The following BICRAL variants were observed in gnomAD, a reference collection of about 807,000 sequenced individuals.
The protein encoded by BICRAL is BICRA like chromatin remodeling complex associated protein.
A neutral mutation model predicts 91.8 loss-of-function variants in BICRAL; 8 were observed. That is an observed-to-expected ratio of 0.09 (90% confidence interval 0.05 to 0.16). The LOEUF is 0.16. BICRAL is among the 10% of genes least tolerant of loss of function. BICRAL has a pLI of 1.00. For synonymous variants in BICRAL, 445 were observed against 491.1 expected (o/e 0.91, Z 1.24); for missense variants, 1,038 against 1,310.9 (o/e 0.79, Z 3.21).
At chr6:42,793,284 C>T (rs552119638) in intron 1 of BICRAL, among the ~76,000 whole-genome samples, 4 of 126,466 alleles carry the variant, frequency 3.2e-5, no homozygotes, top group South Asian at 5.8e-4. Flanking sequence ...GCTGGGATTA[C>T]AGACCCAGCT....
At chr6:42,793,098 A>C (rs989554508) in intron 1 of BICRAL, among the ~76,000 whole-genome samples, 2 of 137,764 alleles carry the variant, frequency 1.5e-5, no homozygotes, top group African/African-American at 5.4e-5. Context: ...AGGATTTACA[A>C]GCGCATGCCA....
At chr6:42,782,904 TTC>T (rs1250156419) in intron 1 of BICRAL, among the ~76,000 whole-genome samples, 1 of 151,754 alleles carries the variant, frequency 6.6e-6, no homozygotes, top group Non-Finnish European at 1.5e-5. Flanking sequence ...CTCGTTTCTT[TTC>T]TCTCTCGGAA....
chr6:42,748,860 C>T (rs894608249), intron 1 of BICRAL, among the ~76,000 whole-genome samples: 2 of 152,182 alleles, frequency 1.3e-5, no homozygotes, highest in African/African-American at 4.8e-5. Context: ...TGCATCCTCT[C>T]TCTGCCATTT....
intron 6 of BICRAL, among the ~76,000 whole-genome samples, chr6:42,851,796 T>C (rs1434718420): frequency 6.6e-6 from 1 of 152,066 alleles, no homozygotes. Flanking sequence ...CAGCTGCAGC[T>C]TTTTCATCTG....
intron 1 of BICRAL, among the ~76,000 whole-genome samples, chr6:42,797,287 T>A (rs1763442733): frequency 1.3e-5 from 2 of 152,114 alleles, no homozygotes; most frequent in Non-Finnish European, 2.9e-5. Flanking sequence ...TAAGGAGACT[T>A]CTTTGGATGA....
chr6:42,811,036 C>T (rs2113917064), intron 2 of BICRAL, among the ~76,000 whole-genome samples: 1 of 152,306 alleles, frequency 6.6e-6, no homozygotes. Context: ...AGATTTGGTT[C>T]AAGACCTTAT....
chr6:42,844,685 A>G (rs1158832199), intron 6 of BICRAL, among the ~76,000 whole-genome samples: 1 of 152,178 alleles, frequency 6.6e-6, no homozygotes, highest in Non-Finnish European at 1.5e-5. Flanking sequence ...TGCAGAAGCC[A>G]GATGGCAACA....
intron 6 of BICRAL, among the ~76,000 whole-genome samples, chr6:42,831,842 G>T (rs1241325740): frequency 1.3e-5 from 2 of 151,352 alleles, no homozygotes; most frequent in Admixed American, 1.3e-4. Context: ...AGCCTCAAGT[G>T]ATCCTTCCAC....
At chr6:42,782,688 A>G (rs1202848740) in intron 1 of BICRAL, among the ~76,000 whole-genome samples, 1 of 147,744 alleles carries the variant, frequency 6.8e-6, no homozygotes, top group Non-Finnish European at 1.5e-5. Context: ...TCATTGATTG[A>G]GCCGGTTTAA....
chr6:42,782,407 A>G lies in BICRAL; in HGVS notation c.-102+306A>G, dbSNP rs1416537877. Among the ~76,000 whole-genome samples, 17 of 132,022 alleles carry G rather than the reference A, an allele frequency of 1.3e-4. 1 individual carries two copies. Among genetic ancestry groups the G allele is most frequent in the Admixed American group, 1.2e-3 (16 of 13,128 alleles). The allele number at this position is 132,022 out of a possible 152,430, so 86.6% of individuals were successfully genotyped here. A position where few individuals can be genotyped will look rare whatever the true frequency, so the allele number is the denominator to read the frequency against. On this transcript the variant is annotated intron_variant, in intron 1 of 12. Transcript: ENST00000314073. ...GGGTGGATGTTTAATGGACACGGAG[A>G]AAAGGGGAATCGAGTGTTTATGCCT...
intron 2 of BICRAL, among the ~76,000 whole-genome samples, chr6:42,817,247 T>C (rs946117729): frequency 6.6e-6 from 1 of 151,926 alleles, no homozygotes; most frequent in African/African-American, 2.4e-5. Context: ...TGCACCTTTC[T>C]TTTTTAATTG....
chr6:42,816,404 G>A (rs1374638696), intron 2 of BICRAL, among the ~76,000 whole-genome samples: 1 of 151,748 alleles, frequency 6.6e-6, no homozygotes, highest in Non-Finnish European at 1.5e-5. Context: ...TAAGGAAAGC[G>A]AGCCTTACTT....
intron 1 of BICRAL, among the ~76,000 whole-genome samples, chr6:42,759,000 A>G (rs1762503569): frequency 6.6e-6 from 1 of 152,160 alleles, no homozygotes; most frequent in Non-Finnish European, 1.5e-5. Flanking sequence ...AATGTTCTCA[A>G]CCCTAGCTGC....
upstream of BICRAL, among the ~76,000 whole-genome samples, chr6:42,777,800 T>C (rs1762826359): frequency 6.6e-6 from 1 of 152,220 alleles, no homozygotes; most frequent in Admixed American, 6.5e-5. Flanking sequence ...TACTGTCCAG[T>C]TGCCTTTCTT....
chr6:42,845,195 GTT>G lies in BICRAL; in HGVS notation c.1840-6845_1840-6844del, dbSNP rs748804344. ...CTTCTCTGTTTTTTGTTTTTTGGGT[GTT>G]TTTTTTTTTTTTTTTTTTTTTTTTT... On this transcript the variant is annotated intron_variant, in intron 6 of 12. Coordinates refer to ENST00000314073, the MANE Select transcript of BICRAL (RefSeq NM_001393499.1). 2.7e-4 allele frequency among the ~76,000 whole-genome samples: 7 copies of G among 25,610 alleles called. 1 individual carries two copies. Among genetic ancestry groups the G allele is most frequent in the South Asian group, 3.6e-3 (2 of 556 alleles). 16.8% of individuals were successfully genotyped at this position (25,610 alleles called of 152,430 possible).
chr6:42,859,384 T>C (rs1307159385), intron 10 of BICRAL, among the ~76,000 whole-genome samples: 1 of 150,016 alleles, frequency 6.7e-6, no homozygotes, highest in Non-Finnish European at 1.5e-5. Context: ...AGAGCAAGAC[T>C]CTGTCTCAAA....
chr6:42,867,759 T>C lies in BICRAL; in HGVS notation c.*2313T>C, dbSNP rs1484512466. On this transcript the variant is annotated 3_prime_UTR_variant, in exon 13 of 13. Transcript: ENST00000314073. ...TTTCTATATACCATCCTAAAGGGTT[T>C]TTAAGCCCTAACACTTGTCTAGCAA... 6.6e-6 allele frequency: 1 copy of C among 152,240 alleles called. No homozygotes were observed. Among genetic ancestry groups the C allele is most frequent in the Non-Finnish European group, 1.5e-5 (1 of 68,038 alleles). 9.4% of individuals were successfully genotyped at this position (152,240 alleles called of 1,614,324 possible).
At position 42,860,344 on chromosome 6, in the gene BICRAL, A is replaced by G; in HGVS notation, c.2337A>G (p.Leu779=). 1 of 1,600,436 alleles carries G rather than the reference A, an allele frequency of 6.2e-7. No individual in the cohort carries two copies. The highest frequency in any genetic ancestry group is 8.6e-7 in the Non-Finnish European group (1 of 1,168,078). Reference sequence around the variant, plus strand: ...TTAACAAATACAGATGCCTGCTCCTAGAAGATGCCATGGTAAAAGTCATGC... The same window carrying G: ...TTAACAAATACAGATGCCTGCTCCTGGAAGATGCCATGGTAAAAGTCATGC... ...AMLNKYRCLL[L]EDAMRINPSA... Residue 779 remains leucine (L), a synonymous_variant, in exon 11 of 13, where the codon CTA becomes CTG. Coordinates refer to ENST00000314073, the MANE Select transcript of BICRAL (RefSeq NM_001393499.1).
rs1935349745 is a variant in BICRAL at position 42,785,379 on chromosome 6, T to C, written c.-102+3278T>C. ...TTAGAGACCAGCCTGTCCAACGTGG[T>C]GAAACCCCGTCTGTACTAAAAATAC... is the stretch of plus-strand genomic sequence containing the variant. On this transcript the variant is annotated intron_variant, in intron 1 of 12. Transcript: ENST00000314073. Among the ~76,000 whole-genome samples the C allele has an allele frequency of 3.3e-5, 5 of 151,804 alleles. No individual in the cohort carries two copies. The South Asian group carries it at 1.0e-3, about 32-fold the overall frequency.
Sources: gnomAD v4.1 joint callset for allele counts (sites outside exome capture counted in the v4.1 genomes callset) on GRCh38, gnomAD v4.1.1 for gene constraint, MANE v1.5 for transcripts, NCBI Gene and HGNC (gene_info 2026-07-23, HGNC 2026-07-21) for gene names.